The following RRM2B variants were observed in gnomAD, a reference collection of about 807,000 sequenced individuals.
RRM2B encodes ribonucleoside-diphosphate reductase subunit M2 B.
Under a neutral mutation model 45.9 loss-of-function variants are expected in RRM2B, and 20 were observed. The ratio of observed to expected loss-of-function variants is 0.44; its 90% CI spans 0.31 to 0.63. The LOEUF (loss-of-function observed/expected upper bound fraction) is 0.63. Ranked by LOEUF, RRM2B falls within the 30% of genes least tolerant of loss-of-function variation. The probability of loss-of-function intolerance (pLI) is 0.09; values close to 1 mark genes in which losing one functional copy is unlikely to be tolerated. For missense variants in RRM2B, 320 were observed against 414.7 expected, an observed-to-expected ratio of 0.77 and a Z score of 1.98; for synonymous variants, 124 against 132.3, an observed-to-expected ratio of 0.94 and a Z score of 0.43.
intron 6 of RRM2B, among the ~76,000 whole-genome samples, chr8:102,215,491 C>T (rs1258554664): frequency 6.6e-6 from 1 of 151,654 alleles, no homozygotes; most frequent in East Asian, 1.9e-4. Flanking sequence ...TAACTTATTA[C>T]AGAAAGCAAT....
intron 6 of RRM2B, 57 bp from the exon 7 acceptor site, chr8:102,214,215 G>A (rs1016189631): frequency 9.1e-5 from 105 of 1,156,300 alleles, no homozygotes; most frequent in Non-Finnish European, 1.3e-4. Flanking sequence ...ATTTGCATAT[G>A]GTGATGGGTC....
At chr8:102,234,296 T>C (rs1811081304) in intron 1 of RRM2B, among the ~76,000 whole-genome samples, 1 of 152,222 alleles carries the variant, frequency 6.6e-6, no homozygotes, top group South Asian at 2.1e-4. Flanking sequence ...CCTGATAACC[T>C]GTAGACTATT....
intron 5 of RRM2B, among the ~76,000 whole-genome samples, chr8:102,221,961 C>T (rs1369008151): frequency 1.3e-5 from 2 of 152,176 alleles, no homozygotes; most frequent in Non-Finnish European, 2.9e-5. Flanking sequence ...ATGCAGATTC[C>T]TCAGTCCCAC....
intron 6 of RRM2B, chr8:102,214,424 C>T: frequency 2.6e-6 from 1 of 382,736 alleles, no homozygotes. Flanking sequence ...ACAAAATCTG[C>T]AAATAAAAGC....
chr8:102,228,833 G>A (rs1470769994), intron 2 of RRM2B, among the ~76,000 whole-genome samples: 3 of 152,242 alleles, frequency 2.0e-5, no homozygotes, highest in Non-Finnish European at 2.9e-5. Flanking sequence ...TCCCACCCAC[G>A]AAGGGATCGG....
At chr8:102,228,215 G>A (rs1389842450) in intron 2 of RRM2B, among the ~76,000 whole-genome samples, 1 of 152,200 alleles carries the variant, frequency 6.6e-6, no homozygotes, top group Non-Finnish European at 1.5e-5. Flanking sequence ...TCGGAGAGAA[G>A]CAGCTTAACT....
rs1436250365 is a variant in RRM2B, at chr8:102,218,922, A to C, written c.576T>G (p.Ala192=). 6.2e-7 allele frequency: 1 copy of C among 1,613,056 alleles called. No individual in the cohort carries two copies. Among genetic ancestry groups the C allele is most frequent in the Non-Finnish European group, 8.5e-7 (1 of 1,179,344 alleles). The change falls in exon 6 of 9, where the codon GCT becomes GCG. Residue 192 remains alanine (A), a synonymous_variant. Transcript: ENST00000251810. ...ATCCTGAGAAGAAAACTCCTTCTACAGCAGCAAAGGCCACCACTCTTTCCC... is the reference window on the plus strand; with the variant it reads ...ATCCTGAGAAGAAAACTCCTTCTACCGCAGCAAAGGCCACCACTCTTTCCC... ...TFGERVVAFA[A]VEGVFFSGSF...
intron 1 of RRM2B, 133 bp from the exon 2 acceptor site, chr8:102,232,437 G>A: frequency 2.4e-6 from 2 of 846,798 alleles, no homozygotes; most frequent in Non-Finnish European, 3.9e-6. Flanking sequence ...AATCCTTACT[G>A]TTACCTGGTA....
chr8:102,208,330 T>C (rs771270544), intron 8 of RRM2B, 45 bp from the exon 9 acceptor site: 5 of 1,368,272 alleles, frequency 3.7e-6, no homozygotes, highest in Non-Finnish European at 5.2e-6. Flanking sequence ...AGAGATCAAA[T>C]TACATCCACA....
chr8:102,214,774 T>A (rs2387995), intron 6 of RRM2B, among the ~76,000 whole-genome samples: 10,830 of 129,104 alleles, frequency 0.084, 418 homozygotes, highest in Middle Eastern at 0.16. Flanking sequence ...AAAAAATAAA[T>A]AAATAAATAA....
At chr8:102,225,772 T>C in intron 3 of RRM2B, 146 bp downstream of exon 3, 1 of 668,608 alleles carries the variant, frequency 1.5e-6, no homozygotes, top group Non-Finnish European at 2.7e-6. Context: ...GGATAAGCAA[T>C]TCATCAGAAA....
At chr8:102,209,767 C>A (rs1436450969) in intron 8 of RRM2B, among the ~76,000 whole-genome samples, 3 of 151,870 alleles carry the variant, frequency 2.0e-5, no homozygotes, top group African/African-American at 7.2e-5. Context: ...TTTGGTATAT[C>A]CATACAGTGG....
chr8:102,213,553 C>T (rs892251881), intron 7 of RRM2B, among the ~76,000 whole-genome samples: 7 of 152,130 alleles, frequency 4.6e-5, no homozygotes, highest in Non-Finnish European at 8.8e-5. Flanking sequence ...GATAAAAACA[C>T]ATCCTAAGTA....
chr8:102,208,411 C>A (rs1587165799), intron 8 of RRM2B, 126 bp from the exon 9 acceptor site: 1 of 739,536 alleles, frequency 1.4e-6, no homozygotes, highest in Non-Finnish European at 2.3e-6. Context: ...AAGATCATAT[C>A]ATTCCCCTAA....
intron 1 of RRM2B, among the ~76,000 whole-genome samples, chr8:102,236,439 C>T (rs1490410116): frequency 6.6e-6 from 1 of 152,152 alleles, no homozygotes; most frequent in African/African-American, 2.4e-5. Context: ...ATTTTGCAAG[C>T]AACTAAGGAA....
In RRM2B at chr8:102,225,002, T is replaced by A; in HGVS notation, c.338A>T (p.Gln113Leu). ...GCGAGCCTCTGGAACCTGCACCTCC[T>A]GACTAAAGCGCTCCACCTAAGAAGA... ...VNENLVERFS[Q>L]EVQVPEARCF... The change falls in exon 4 of 9, where the codon CAG becomes CTG. Residue 113 changes from glutamine to leucine, a missense_variant. Coordinates refer to ENST00000251810, the MANE Select transcript of RRM2B (RefSeq NM_015713.5). 6.2e-7 allele frequency: 1 copy of A among 1,614,108 alleles called. No individual in the cohort carries two copies. The highest frequency in any genetic ancestry group is 8.5e-7 in the Non-Finnish European group (1 of 1,180,000).
At chr8:102,225,144 A>G in intron 3 of RRM2B, 126 bp from the exon 4 acceptor site, 2 of 862,656 alleles carry the variant, frequency 2.3e-6, no homozygotes, top group East Asian at 5.3e-5. Flanking sequence ...GGTCAGAAAG[A>G]CCTTATGGAT....
intron 6 of RRM2B, among the ~76,000 whole-genome samples, chr8:102,215,045 T>TAAAAAAAAAAAAAAA (rs3063793): frequency 3.4e-4 from 21 of 61,730 alleles, no homozygotes; most frequent in Middle Eastern, 0.013. Flanking sequence ...AGCTAAATAT[T>TAAAAAAAAAAAAAAA]AAAAAAAAAA....
chr8:102,235,719 C>A (rs927992391), intron 1 of RRM2B, among the ~76,000 whole-genome samples: 2 of 152,096 alleles, frequency 1.3e-5, no homozygotes, highest in Non-Finnish European at 2.9e-5. Flanking sequence ...TACGCCTGTA[C>A]TCCCAACTAC....
Sources: allele counts gnomAD v4.1 joint callset (sites outside exome capture counted in the v4.1 genomes callset), GRCh38; gene constraint gnomAD v4.1.1; transcripts MANE v1.5; gene names NCBI Gene and HGNC (gene_info 2026-07-23, HGNC 2026-07-21).